The following LMNTD2 variants were observed in gnomAD, a reference collection of about 807,000 sequenced individuals.
LMNTD2 encodes lamin tail domain containing 2, also known as lamin tail domain-containing protein 2.
A neutral mutation model predicts 70.1 loss-of-function variants in LMNTD2; 83 were observed. The ratio of observed to expected loss-of-function variants is 1.18; its 90% CI spans 0.99 to 1.42. LMNTD2 has a LOEUF of 1.42. LMNTD2 is among the 40% of genes most tolerant of loss of function. The pLI is 0.00. For synonymous variants in LMNTD2, 534 were observed against 406.1 expected (o/e 1.31, Z -3.79); for missense variants, 1,153 against 905.9 (o/e 1.27, Z -3.50).
chr11:555,510 G>A lies in LMNTD2; in HGVS notation c.1575-7C>T. The stretch of plus-strand genomic sequence containing the variant: ...GGGCAGCAGGCCCCGCGTCCTGGTG[G>A]GGCGAGGGTCGTGAGGGCGGCGGCC... On this transcript the variant is annotated splice_region_variant and splice_polypyrimidine_tract_variant and intron_variant, in intron 12 of 13. Transcript: ENST00000329451. 2.2e-6 allele frequency: 3 copies of A among 1,359,128 alleles called. No homozygotes were observed. Among genetic ancestry groups the A allele is most frequent in the Non-Finnish European group, 2.8e-6 (3 of 1,062,124 alleles). 84.2% of individuals were successfully genotyped at this position (1,359,128 alleles called of 1,614,324 possible). A position where few individuals can be genotyped will look rare whatever the true frequency, so the allele number is the denominator to read the frequency against.
chr11:554,983 G>A lies in LMNTD2; in HGVS notation c.1902C>T (p.Ala634=). The part of the protein sequence containing the change: ...LPVTADTCRG[A] ...TCCCGGCCCCACTCCTCCGCCCCTA[G>A]GCGCCGCGGCAGGTGTCCGCGGTGA... The change falls in exon 14 of 14, where the codon GCC becomes GCT. Residue 634 remains alanine (A), a synonymous_variant. Coordinates refer to ENST00000329451, the MANE Select transcript of LMNTD2 (RefSeq NM_173573.3). 1.3e-6 allele frequency: 2 copies of A among 1,578,644 alleles called. No individual in the cohort carries two copies. Among genetic ancestry groups the A allele is most frequent in the Non-Finnish European group, 8.6e-7 (1 of 1,166,294 alleles).
chr11:558,076 T>G (rs553907913), intron 4 of LMNTD2, 37 bp from the exon 5 acceptor site: 1 of 1,585,434 alleles, frequency 6.3e-7, no homozygotes, highest in Non-Finnish European at 8.6e-7. Flanking sequence ...GGTGGGGGGG[T>G]GTCTTCTGCA....
In LMNTD2 at chr11:558,864, G is replaced by T; in HGVS notation, c.150C>A (p.Ala50=). The part of the protein sequence containing the change: ...TPHPAPVVCS[A]DPQLALESLD... Reference sequence around the variant, plus strand: ...CTCCCTCTCCTCCTTACTGCGGGTCGGCAGAGCAGACCACCGGTGCGGGGT... The same window carrying T: ...CTCCCTCTCCTCCTTACTGCGGGTCTGCAGAGCAGACCACCGGTGCGGGGT... The change falls in exon 2 of 14, where the codon GCC becomes GCA. Residue 50 remains alanine (A), a synonymous_variant. Transcript: ENST00000329451. The T allele has an allele frequency of 6.2e-7, 1 of 1,604,558 alleles. No individual in the cohort carries two copies. The highest frequency in any genetic ancestry group is 8.5e-7 in the Non-Finnish European group (1 of 1,173,448).
At position 558,039 on chromosome 11, in the gene LMNTD2, C is replaced by G. The variant is rs774062934; in HGVS notation, c.400G>C (p.Glu134Gln). The stretch of plus-strand genomic sequence containing the variant: ...AGCCGCTCCTCCAGGTGCTCCTTCT[C>G]CTGCTCCGAGAGGGCCTGTGGTTGG... ...LKEQKERAQW[E>Q]KEHLEERLLQ... is the part of the protein sequence containing the mutation. The change falls in exon 5 of 14, where the codon GAG becomes CAG. Residue 134 changes from glutamate to glutamine, a missense_variant and splice_region_variant. Glu to Gln is a conservative substitution (Grantham distance 29). Transcript: ENST00000329451. The G allele has an allele frequency of 1.3e-5, 20 of 1,581,170 alleles. No homozygotes were observed. In the South Asian group the frequency reaches 2.2e-4, roughly 17 times the overall value.
intron 11 of LMNTD2, 23 bp downstream of exon 11, chr11:555,973 C>A (rs751448457): frequency 9.0e-6 from 14 of 1,553,064 alleles, no homozygotes; most frequent in Non-Finnish European, 1.2e-5. Flanking sequence ...GCCCCGGCCG[C>A]CCCACCGGGG....
intron 7 of LMNTD2, 131 bp downstream of exon 7, chr11:557,268 G>C (rs1424483391): frequency 2.2e-6 from 3 of 1,362,654 alleles, no homozygotes; most frequent in South Asian, 1.4e-5. Context: ...CTACAGATCA[G>C]AGAACGCGCA....
Position 557,956 on chromosome 11 carries a change from C to G in LMNTD2, c.483G>C (p.Lys161Asn). The G allele has an allele frequency of 6.3e-7, 1 of 1,599,912 alleles. No individual in the cohort carries two copies. The highest frequency in any genetic ancestry group is 8.5e-7 in the Non-Finnish European group (1 of 1,172,340). ...AGCGGGCCAGCTGCAGGAGGCAGGA[C>G]TTCTGCAAGTTCTGCAGCTCGGCCT... ...EMEAELQNLQ[K>N]SCLLQLARSS... Residue 161 changes from lysine to asparagine, a missense_variant, in exon 5 of 14, where the codon AAG becomes AAC. Coordinates refer to ENST00000329451, the MANE Select transcript of LMNTD2 (RefSeq NM_173573.3).
At chr11:555,570 C>G in intron 12 of LMNTD2, 67 bp from the exon 13 acceptor site, 1 of 1,304,762 alleles carries the variant, frequency 7.7e-7, no homozygotes, top group South Asian at 2.0e-5. Context: ...GGCTCCGCGC[C>G]TGGGGCGGGG....
chr11:559,069 G>A (rs1010629840), intron 1 of LMNTD2, 90 bp from the exon 2 acceptor site: 20 of 1,559,020 alleles, frequency 1.3e-5, no homozygotes, highest in Non-Finnish European at 1.7e-5. Flanking sequence ...GGAGCTGGGA[G>A]GGGTGGGGGG....
rs144777828 is a variant in LMNTD2, at chr11:556,941, C to T, written c.870G>A (p.Pro290=). ...GADSDSSSCR[P]GLPSFVQVIG... is the part of the protein sequence containing the mutation. ...TCACCTGCACGAAGGAAGGCAGGCC[C>T]GGCCGGCAGCTGCTGGAGTCGGAGT... is the stretch of plus-strand genomic sequence containing the variant. The change falls in exon 8 of 14, where the codon CCG becomes CCA. Residue 290 remains proline (P), a synonymous_variant. Transcript: ENST00000329451. 6.7e-4 allele frequency: 1,071 copies of T among 1,600,664 alleles called. No individual in the cohort carries two copies. The highest frequency in any genetic ancestry group is 8.6e-4 in the Non-Finnish European group (1,014 of 1,177,604).
chr11:555,157 G>GGGAGGGGGGGGGAGCGGCGA (rs1852721750), intron 13 of LMNTD2, 46 bp from the exon 14 acceptor site: 2 of 487,450 alleles, frequency 4.1e-6, no homozygotes, highest in South Asian at 5.8e-5. Context: ...GGGCGGGGAC[G>GGGAGGGGGGGGGAGCGGCGA]GGAGGGGAGG....
At position 556,350 on chromosome 11, in the gene LMNTD2, CA is replaced by C. The variant is rs1344645457; in HGVS notation, c.1098del (p.Val367Ter). The stretch of plus-strand genomic sequence containing the variant: ...CGGACGAACTTCTCCCGGCAGCTCA[CA>C]GCCACGATCTTCAGGCCTGTCGGGC... ...LQSPTGLKIV[A>X]VSCREKFVRI... On this transcript the variant is annotated frameshift_variant, in exon 10 of 14. Coordinates refer to ENST00000329451, the MANE Select transcript of LMNTD2 (RefSeq NM_173573.3). LOFTEE classifies it high-confidence loss of function. 6.5e-7 allele frequency: 1 copy of C among 1,535,832 alleles called. No homozygotes were observed. The highest frequency in any genetic ancestry group is 8.7e-7 in the Non-Finnish European group (1 of 1,146,310).
chr11:558,132 C>A (rs374395873), intron 4 of LMNTD2, 29 bp downstream of exon 4: 1 of 1,611,656 alleles, frequency 6.2e-7, no homozygotes. Flanking sequence ...ACACCAGGAC[C>A]CTGCCCACTC....
In LMNTD2 at chr11:557,505, G is replaced by A. The variant is rs772308841; in HGVS notation, c.625-18C>T. On this transcript the variant is annotated intron_variant, in intron 6 of 13. Transcript: ENST00000329451. Reference sequence around the variant, plus strand: ...CGAAAGCCCTGGCCAGGAAGCAAGAGGCACATGGTCCTCCCCTCCCGCAGG... The same window carrying A: ...CGAAAGCCCTGGCCAGGAAGCAAGAAGCACATGGTCCTCCCCTCCCGCAGG... 1 of 1,613,274 alleles carries A rather than the reference G, an allele frequency of 6.2e-7. No homozygotes were observed. The highest frequency in any genetic ancestry group is 1.1e-5 in the South Asian group (1 of 91,052).
rs1391966184 is a variant in LMNTD2, at chr11:557,082, C to T, written c.729G>A (p.Trp243Ter). 3 of 1,600,022 alleles carry T rather than the reference C, an allele frequency of 1.9e-6. No homozygotes were observed. The highest frequency in any genetic ancestry group is 1.1e-5 in the South Asian group (1 of 89,658). The change falls in exon 8 of 14, where the codon TGG becomes TGA. Residue 243 changes from tryptophan (W) to a stop codon, truncating the protein, a stop_gained. Coordinates refer to ENST00000329451, the MANE Select transcript of LMNTD2 (RefSeq NM_173573.3). LOFTEE classifies it high-confidence loss of function. ...PSSKQKQPRP[W>*]PQLDTGSPES... ...CTGGGCTCCCTGTGTCCAGCTGTGG[C>T]CAGGGCCGGGGCTGCCTGTGGACCA... is the stretch of plus-strand genomic sequence containing the variant.
chr11:558,337 G>A lies in LMNTD2; in HGVS notation c.312-89C>T, dbSNP rs972737024. ...AGTGGCGAAGGAGGGGAGAAGGAGGGGCTCCACTGCCACCTTGGCCCCAAG... is the reference window on the plus strand; with the variant it reads ...AGTGGCGAAGGAGGGGAGAAGGAGGAGCTCCACTGCCACCTTGGCCCCAAG... On this transcript the variant is annotated intron_variant, in intron 3 of 13. Coordinates refer to ENST00000329451, the MANE Select transcript of LMNTD2 (RefSeq NM_173573.3). 9 of 1,415,958 alleles carry A rather than the reference G, an allele frequency of 6.4e-6. No homozygotes were observed. In the Admixed American group the frequency reaches 1.6e-4, roughly 25 times the overall value. The allele number at this position is 1,415,958 out of a possible 1,614,324, so 87.7% of individuals were successfully genotyped here. A position where few individuals can be genotyped will look rare whatever the true frequency, so the allele number is the denominator to read the frequency against.
rs541559521 is a variant in LMNTD2, at chr11:555,113, T to C, written c.1774-2A>G. On this transcript the variant is annotated splice_acceptor_variant, in intron 13 of 13. Coordinates refer to ENST00000329451, the MANE Select transcript of LMNTD2 (RefSeq NM_173573.3). LOFTEE classifies it high-confidence loss of function. ...ACGGTCCACGCTCTTCCGGCACACC[T>C]GGGGGGCGCGGGGGCTGAGAGGCGC... 2.2e-6 allele frequency: 3 copies of C among 1,355,154 alleles called. No homozygotes were observed. The highest frequency in any genetic ancestry group is 6.2e-5 in the East Asian group (2 of 32,006). The allele number at this position is 1,355,154 out of a possible 1,614,324, so 83.9% of individuals were successfully genotyped here.
In LMNTD2 at chr11:558,923, C is replaced by G; in HGVS notation, c.91G>C (p.Glu31Gln). Reference protein sequence around the residue: ...GPPAGAPAAPETPTCLPDTTP... With the variant: ...GPPAGAPAAPQTPTCLPDTTP... ...GTGTCTGGCAGGCACGTGGGAGTCT[C>G]GGGGGCTGCAGGTGCGCCTGCTGGA... Residue 31 changes from glutamate to glutamine, a missense_variant, in exon 2 of 14, where the codon GAG (glutamate) becomes CAG (glutamine). Coordinates refer to ENST00000329451, the MANE Select transcript of LMNTD2 (RefSeq NM_173573.3). 6.2e-7 allele frequency: 1 copy of G among 1,609,026 alleles called. No individual in the cohort carries two copies. The highest frequency in any genetic ancestry group is 8.5e-7 in the Non-Finnish European group (1 of 1,179,764).
rs766973719 is a variant in LMNTD2 at position 556,357 on chromosome 11, G to C, written c.1092C>G (p.Ile364Met). The C allele has an allele frequency of 7.2e-6, 11 of 1,536,188 alleles. No individual in the cohort carries two copies. The South Asian group carries it at 1.2e-4, about 17-fold the overall frequency. ...ACTTCTCCCGGCAGCTCACAGCCACGATCTTCAGGCCTGTCGGGCTGGGAA... is the reference window on the plus strand; with the variant it reads ...ACTTCTCCCGGCAGCTCACAGCCACCATCTTCAGGCCTGTCGGGCTGGGAA... ...ELLQSPTGLK[I>M]VAVSCREKFV... The change falls in exon 10 of 14, where the codon ATC (isoleucine) becomes ATG (methionine). Residue 364 changes from isoleucine to methionine, a missense_variant. Transcript: ENST00000329451.
Sources: gnomAD v4.1 joint callset for allele counts on GRCh38, gnomAD v4.1.1 for gene constraint, MANE v1.5 for transcripts, NCBI Gene and HGNC (gene_info 2026-07-23, HGNC 2026-07-21) for gene names.